Variants in WFDC9 observed in about 807,000 individuals in gnomAD.
WFDC9 encodes protein WFDC9.
Under a neutral mutation model 9.5 loss-of-function variants are expected in WFDC9, and 9 were observed. The ratio of observed to expected loss-of-function variants is 0.95; its 90% CI spans 0.57 to 1.65. The LOEUF (loss-of-function observed/expected upper bound fraction) is 1.65, where lower values mean the gene tolerates loss of function less well. Ranked by LOEUF, WFDC9 falls within the 40% of genes most tolerant of loss-of-function variation. WFDC9 has a pLI of 0.00. For synonymous variants in WFDC9, 33 were observed against 32.3 expected (o/e 1.02, Z -0.07); for missense variants, 87 against 106.7 (o/e 0.82, Z 0.81).
chr20:45,628,725 T>G (rs997267194), intron 1 of WFDC9, among the ~76,000 whole-genome samples: 3 of 152,188 alleles, frequency 2.0e-5, no homozygotes, highest in Middle Eastern at 3.2e-3. Flanking sequence ...GCTAGAGAGC[T>G]TCCTTTGAAT....
chr20:45,627,020 A>T (rs1010601562), intron 1 of WFDC9, among the ~76,000 whole-genome samples: 11 of 152,192 alleles, frequency 7.2e-5, no homozygotes, highest in African/African-American at 2.7e-4. Flanking sequence ...GAAAGTTTTT[A>T]TCATAAAGTG....
At chr20:45,613,277 C>T (rs905988275) in intron 2 of WFDC9, among the ~76,000 whole-genome samples, 7 of 152,144 alleles carry the variant, frequency 4.6e-5, no homozygotes, top group Non-Finnish European at 1.0e-4. Flanking sequence ...ATTTCTCAGG[C>T]GCGGAGCCTT....
chr20:45,620,614 T>A (rs2903790), intron 1 of WFDC9, among the ~76,000 whole-genome samples: 52,180 of 152,076 alleles, frequency 0.34, 9,097 homozygotes, highest in Middle Eastern at 0.43. Context: ...CTGCTCAATC[T>A]ACAACTTTGT....
chr20:45,626,718 T>G (rs559374422), intron 1 of WFDC9, among the ~76,000 whole-genome samples: 1 of 152,370 alleles, frequency 6.6e-6, no homozygotes, highest in South Asian at 2.1e-4. Flanking sequence ...AGAGCTTGTC[T>G]GCAAACAGGG....
intron 1 of WFDC9, among the ~76,000 whole-genome samples, chr20:45,617,241 G>T (rs976524567): frequency 2.0e-5 from 3 of 152,200 alleles, no homozygotes; most frequent in African/African-American, 7.2e-5. Flanking sequence ...CAGATCACAA[G>T]GTCAGAATTT....
At chr20:45,623,113 A>T (rs1982136681) in intron 1 of WFDC9, among the ~76,000 whole-genome samples, 1 of 152,224 alleles carries the variant, frequency 6.6e-6, no homozygotes. Context: ...AGAAATTCAG[A>T]GGAGCCCAAG....
At chr20:45,608,263 A>G (rs1185646859) in intron 4 of WFDC9, 123 bp from the exon 5 acceptor site, 2 of 1,140,350 alleles carry the variant, frequency 1.8e-6, no homozygotes, top group Non-Finnish European at 2.5e-6. Flanking sequence ...GAAGTTACCC[A>G]CTTTTAAGCA....
chr20:45,630,390 A>C (rs989006717), intron 1 of WFDC9, among the ~76,000 whole-genome samples: 1 of 152,112 alleles, frequency 6.6e-6, no homozygotes, highest in East Asian at 1.9e-4. Flanking sequence ...GTGGTGGTGG[A>C]AAGGGAACTA....
At chr20:45,625,630 C>T (rs1293753599) in intron 1 of WFDC9, among the ~76,000 whole-genome samples, 1 of 151,770 alleles carries the variant, frequency 6.6e-6, no homozygotes, top group East Asian at 1.9e-4. Context: ...CCATTTTTAG[C>T]TGATTTTTGT....
intron 1 of WFDC9, among the ~76,000 whole-genome samples, chr20:45,629,022 G>C (rs1031740576): frequency 6.6e-6 from 1 of 152,106 alleles, no homozygotes; most frequent in Admixed American, 6.6e-5. Context: ...CTCTCCCCCT[G>C]TCTGAGCTCT....
intron 1 of WFDC9, among the ~76,000 whole-genome samples, chr20:45,627,955 G>T (rs1982258334): frequency 6.6e-6 from 1 of 151,978 alleles, no homozygotes; most frequent in South Asian, 2.1e-4. Flanking sequence ...GTTTTTCTAT[G>T]CAGACTTCTG....
intron 2 of WFDC9, among the ~76,000 whole-genome samples, 158 bp downstream of exon 2, chr20:45,614,470 C>T (rs977961429): frequency 6.6e-6 from 1 of 152,274 alleles, no homozygotes; most frequent in Admixed American, 6.5e-5. Flanking sequence ...ACCTATGGAA[C>T]CTCAGACAGC....
At chr20:45,625,807 C>CTTTTTTTTTTTTTTTTTTTTTGT (rs1982204977) in intron 1 of WFDC9, among the ~76,000 whole-genome samples, 1 of 46,416 alleles carries the variant, frequency 2.2e-5, no homozygotes, top group Non-Finnish European at 3.7e-5. Flanking sequence ...GTTCTCTATT[C>CTTTTTTTTTTTTTTTTTTTTTGT]TTTTTTTTTT....
chr20:45,629,996 A>T, intron 1 of WFDC9: 1 of 1,511,102 alleles, frequency 6.6e-7, no homozygotes, highest in Non-Finnish European at 8.9e-7. Flanking sequence ...GGAGTTGGAA[A>T]CTCTCTGCAT....
chr20:45,630,024 A>G (rs1407755252), intron 1 of WFDC9: 15 of 1,387,838 alleles, frequency 1.1e-5, no homozygotes, highest in South Asian at 1.4e-5. Flanking sequence ...TCTGACCACA[A>G]TGTTGTGTAG....
intron 3 of WFDC9, among the ~76,000 whole-genome samples, chr20:45,609,718 G>A (rs538315295): frequency 1.3e-5 from 2 of 151,868 alleles, no homozygotes; most frequent in Non-Finnish European, 2.9e-5. Context: ...CTAAATTAAC[G>A]TGTTAAATAT....
intron 2 of WFDC9, among the ~76,000 whole-genome samples, chr20:45,613,796 G>A (rs917600881): frequency 2.0e-5 from 3 of 152,186 alleles, no homozygotes; most frequent in African/African-American, 7.2e-5. Context: ...GAACCTCAGA[G>A]TGTTCTTCTG....
intron 1 of WFDC9, 69 bp downstream of exon 1, chr20:45,631,134 C>A: frequency 3.3e-6 from 4 of 1,227,452 alleles, no homozygotes; most frequent in Non-Finnish European, 4.4e-6. Flanking sequence ...AACAGGAATG[C>A]CGCCCTCTCT....
chr20:45,613,195 A>G (rs1459265648), intron 2 of WFDC9, among the ~76,000 whole-genome samples: 1 of 152,172 alleles, frequency 6.6e-6, no homozygotes, highest in African/African-American at 2.4e-5. Context: ...TTCTCATTCC[A>G]TTTATACATA....
Sources: allele counts gnomAD v4.1 joint callset (sites outside exome capture counted in the v4.1 genomes callset), GRCh38; gene constraint gnomAD v4.1.1; transcripts MANE v1.5; gene names NCBI Gene and HGNC (gene_info 2026-07-23, HGNC 2026-07-21).